The following PIEZO2 variants were observed in gnomAD, a reference collection of about 807,000 sequenced individuals.
PIEZO2 encodes piezo type mechanosensitive ion channel component 2.
In PIEZO2, 172 loss-of-function variants were observed where a neutral mutation model predicts 337.3. The ratio of observed to expected loss-of-function variants is 0.51; its 90% confidence interval spans 0.45 to 0.58. PIEZO2 has a LOEUF of 0.58. Among genes scored for constraint, PIEZO2 ranks in the 20% least tolerant of loss-of-function variants. The pLI, the probability that PIEZO2 is intolerant of heterozygous loss-of-function variation, is 0.00. For missense variants in PIEZO2, 3,028 were observed against 3,391.3 expected, an observed-to-expected ratio of 0.89 and a Z score of 2.66; for synonymous variants, 1,251 against 1,228.5, an observed-to-expected ratio of 1.02 and a Z score of -0.38.
chr18:10,975,771 A>C (rs1272152605), intron 3 of PIEZO2, among the ~76,000 whole-genome samples: 1 of 152,200 alleles, frequency 6.6e-6, no homozygotes, highest in Non-Finnish European at 1.5e-5. Context: ...GTTGTTAGGA[A>C]AACAAAATTT....
At chr18:11,052,200 T>C (rs948555131) in intron 2 of PIEZO2, among the ~76,000 whole-genome samples, 1 of 152,154 alleles carries the variant, frequency 6.6e-6, no homozygotes, top group Non-Finnish European at 1.5e-5. Flanking sequence ...CACACAGAAA[T>C]GTGACATAAA....
chr18:10,809,458 C>T (rs75254670), intron 7 of PIEZO2, among the ~76,000 whole-genome samples: 9 of 151,632 alleles, frequency 5.9e-5, no homozygotes, highest in Admixed American at 3.3e-4. Flanking sequence ...GTAGTAGGGA[C>T]GGGATTTAAC....
intron 42 of PIEZO2, among the ~76,000 whole-genome samples, chr18:10,702,593 G>A (rs2035389579): frequency 6.6e-6 from 1 of 152,170 alleles, no homozygotes; most frequent in South Asian, 2.1e-4. Flanking sequence ...ATCTATAGGA[G>A]CATATCACAC....
intron 31 of PIEZO2, 90 bp from the exon 32 acceptor site, chr18:10,742,705 G>A (rs2037271790): frequency 7.3e-7 from 1 of 1,375,376 alleles, no homozygotes; most frequent in Admixed American, 2.5e-5. Context: ...TACGTATATA[G>A]CTAAATTCGT....
Position 11,148,787 on chromosome 18 carries a change from G to A in PIEZO2, c.-199C>T, listed in dbSNP as rs1234824673. 7 of 535,154 alleles carry A rather than the reference G, an allele frequency of 1.3e-5. No individual in the cohort carries two copies. The highest frequency in any genetic ancestry group is 1.9e-5 in the Non-Finnish European group (6 of 310,566). The allele number at this position is 535,154 out of a possible 1,614,324, so 33.2% of individuals were successfully genotyped here. On this transcript the variant is annotated 5_prime_UTR_variant, in exon 1 of 56. Coordinates refer to ENST00000674853, the MANE Select transcript of PIEZO2 (RefSeq NM_001378183.1). The surrounding 1 kb of genome is among the most constrained non-coding windows in gnomAD (Gnocchi z 5.2). ...CTCTTGGCCGCCCCTCGCCCACCGG[G>A]CTCTGGGTAGCCCCTCACCAGGCTC...
intron 7 of PIEZO2, among the ~76,000 whole-genome samples, chr18:10,835,545 T>C (rs921414107): frequency 2.3e-5 from 3 of 130,968 alleles, no homozygotes; most frequent in Non-Finnish European, 1.6e-5. Context: ...CCTAACCAAG[T>C]TCTTTTTTTT....
At chr18:10,956,550 C>G (rs1056124387) in intron 3 of PIEZO2, among the ~76,000 whole-genome samples, 2 of 152,112 alleles carry the variant, frequency 1.3e-5, no homozygotes, top group Non-Finnish European at 2.9e-5. Flanking sequence ...TTGTATGGAG[C>G]AACAAAAGAC....
At chr18:10,871,782 T>C (rs987842145) in intron 4 of PIEZO2, among the ~76,000 whole-genome samples, 6 of 152,220 alleles carry the variant, frequency 3.9e-5, no homozygotes, top group Non-Finnish European at 8.8e-5. Context: ...CTAGAAGATA[T>C]TTTACTTTTG....
chr18:11,084,595 T>G (rs2038857545), intron 1 of PIEZO2, among the ~76,000 whole-genome samples: 1 of 152,020 alleles, frequency 6.6e-6, no homozygotes, highest in Non-Finnish European at 1.5e-5. Context: ...TTGGCTTGAG[T>G]GTGGATCCCT....
At chr18:10,977,536 C>T (rs373605973) in intron 3 of PIEZO2, among the ~76,000 whole-genome samples, 1 of 152,042 alleles carries the variant, frequency 6.6e-6, no homozygotes, top group African/African-American at 2.4e-5. Flanking sequence ...CTACTACTAA[C>T]ATTATTGTTG....
At chr18:11,103,954 T>C (rs1164409492) in intron 1 of PIEZO2, among the ~76,000 whole-genome samples, 2 of 152,002 alleles carry the variant, frequency 1.3e-5, no homozygotes, top group African/African-American at 4.8e-5. Context: ...GCCTCCCGAG[T>C]AGCTGGAACT....
At chr18:10,679,498 T>A (rs963722578) in intron 52 of PIEZO2, among the ~76,000 whole-genome samples, 5 of 150,442 alleles carry the variant, frequency 3.3e-5, no homozygotes, top group Non-Finnish European at 7.4e-5. Flanking sequence ...ACATTCAAAA[T>A]TTTTTTTGCA....
intron 36 of PIEZO2, chr18:10,725,054 C>T (rs1479091631): frequency 1.3e-6 from 2 of 1,556,982 alleles, no homozygotes; most frequent in African/African-American, 1.4e-5. Context: ...CTGCGGCCAA[C>T]CAACGTGGAC....
intron 3 of PIEZO2, among the ~76,000 whole-genome samples, chr18:10,946,426 AC>A (rs2033025485): frequency 6.6e-6 from 1 of 152,128 alleles, no homozygotes; most frequent in Non-Finnish European, 1.5e-5. Context: ...CTGTGATTCT[AC>A]CCCCACTCTG....
rs2038533679 is a variant in PIEZO2, at chr18:10,770,068, AATC to A, written c.2946+77_2946+79del. ...GATGTAATGCGGATCACATTAAAAA[AATC>A]ATGGACAGCTGGAAAAGGAAAATGA... is the stretch of plus-strand genomic sequence containing the variant. On this transcript the variant is annotated intron_variant, in intron 21 of 55. Coordinates refer to ENST00000674853, the MANE Select transcript of PIEZO2 (RefSeq NM_001378183.1). 10 of 1,430,548 alleles carry A rather than the reference AATC, an allele frequency of 7.0e-6. No homozygotes were observed. In the South Asian group the frequency reaches 1.2e-4, roughly 17 times the overall value. 88.6% of individuals were successfully genotyped at this position (1,430,548 alleles called of 1,614,324 possible). A position where few individuals can be genotyped will look rare whatever the true frequency, so the allele number is the denominator to read the frequency against.
intron 32 of PIEZO2, among the ~76,000 whole-genome samples, chr18:10,741,717 G>A (rs975340842): frequency 6.6e-6 from 1 of 152,092 alleles, no homozygotes; most frequent in Non-Finnish European, 1.5e-5. Context: ...AGTTTCATTT[G>A]AGCAGGCAAC....
intron 33 of PIEZO2, chr18:10,738,903 A>G (rs1199383591): frequency 6.6e-6 from 1 of 152,214 alleles, no homozygotes; most frequent in Non-Finnish European, 1.5e-5. Context: ...ATCTGTCCCT[A>G]TACAGACCAT....
rs957303625 is a variant in PIEZO2, at chr18:10,894,601, T to G, written c.329+16585A>C. Reference sequence around the variant, plus strand: ...CTTCCCAAGTGCGGGCAGGCAGCTGTGCATGTGGGCAGCCCACCCCAAAGG... The same window carrying G: ...CTTCCCAAGTGCGGGCAGGCAGCTGGGCATGTGGGCAGCCCACCCCAAAGG... On this transcript the variant is annotated intron_variant, in intron 4 of 55. Coordinates refer to ENST00000674853, the MANE Select transcript of PIEZO2 (RefSeq NM_001378183.1). The surrounding 1 kb of genome is among the most constrained non-coding windows in gnomAD (Gnocchi z 4.1). 1 of 152,180 alleles carries G rather than the reference T, an allele frequency of 6.6e-6. No homozygotes were observed. The highest frequency in any genetic ancestry group is 1.5e-5 in the Non-Finnish European group (1 of 68,058). The allele number at this position is 152,180 out of a possible 1,614,324, so 9.4% of individuals were successfully genotyped here. A position where few individuals can be genotyped will look rare whatever the true frequency, so the allele number is the denominator to read the frequency against.
At chr18:11,014,815 G>A (rs28711798) in intron 2 of PIEZO2, among the ~76,000 whole-genome samples, 2,405 of 105,598 alleles carry the variant, frequency 0.023, 72 homozygotes, top group African/African-American at 0.078. Flanking sequence ...ACAGCGATCC[G>A]GGGCCCCCTC....
Sources: gnomAD v4.1 joint callset for allele counts (sites outside exome capture counted in the v4.1 genomes callset) on GRCh38, gnomAD v4.1.1 for gene constraint, Gnocchi (gnomAD v3.1) non-coding constraint, MANE v1.5 for transcripts, NCBI Gene and HGNC (gene_info 2026-07-23, HGNC 2026-07-21) for gene names.